FRMD4B: variants seen among roughly 807,000 people sequenced by gnomAD.
The protein encoded by FRMD4B is FERM domain containing 4B.
Under a neutral mutation model 141.5 loss-of-function variants are expected in FRMD4B, and 74 were observed. The observed-to-expected ratio is 0.52, with a 90% CI of 0.43 to 0.63. The LOEUF (loss-of-function observed/expected upper bound fraction) is 0.63, where lower values mean the gene tolerates loss of function less well. Ranked by LOEUF, FRMD4B falls within the 30% of genes least tolerant of loss-of-function variation. The pLI is 0.00. For missense variants in FRMD4B, 1,366 were observed against 1,253.4 expected (o/e 1.09, Z -1.36); for synonymous variants, 506 against 467.9 (o/e 1.08, Z -1.05).
intron 1 of FRMD4B, among the ~76,000 whole-genome samples, chr3:69,444,879 T>C (rs1269418530): frequency 2.0e-5 from 3 of 152,182 alleles, no homozygotes; most frequent in African/African-American, 7.2e-5. Flanking sequence ...TAGATGTAAA[T>C]AGCCCAAGGA....
At chr3:69,208,565 G>C (rs73097705) in intron 11 of FRMD4B, among the ~76,000 whole-genome samples, 5,112 of 150,996 alleles carry the variant, frequency 0.034, 142 homozygotes, top group Non-Finnish European at 0.046. Flanking sequence ...ATGAGAACAA[G>C]CCATACTGTT....
At chr3:69,506,145 C>A (rs148669110) in intron 1 of FRMD4B, among the ~76,000 whole-genome samples, 1 of 152,142 alleles carries the variant, frequency 6.6e-6, no homozygotes, top group East Asian at 1.9e-4. Flanking sequence ...ATTCTTTGTA[C>A]AAAGACCATC....
At chr3:69,528,445 G>T (rs1700964084) in intron 1 of FRMD4B, among the ~76,000 whole-genome samples, 1 of 151,688 alleles carries the variant, frequency 6.6e-6, no homozygotes, top group Non-Finnish European at 1.5e-5. Flanking sequence ...GCTTACTGCA[G>T]CCTTGACTTT....
intron 7 of FRMD4B, among the ~76,000 whole-genome samples, chr3:69,228,214 T>A (rs2093272821): frequency 6.6e-6 from 1 of 152,220 alleles, no homozygotes; most frequent in African/African-American, 2.4e-5. Flanking sequence ...GTGCTGAGAT[T>A]GAGAAACCCT....
At chr3:69,343,577 G>GTTTTTGT (rs775904583) in intron 1 of FRMD4B, among the ~76,000 whole-genome samples, 9 of 126,504 alleles carry the variant, frequency 7.1e-5, no homozygotes, top group Middle Eastern at 4.1e-3. Context: ...ACAGTTTTTT[G>GTTTTTGT]TTTTTTTTTT....
At chr3:69,268,873 C>CA (rs1183373464) in intron 5 of FRMD4B, among the ~76,000 whole-genome samples, 1 of 151,628 alleles carries the variant, frequency 6.6e-6, no homozygotes, top group Non-Finnish European at 1.5e-5. Context: ...TTTTCACCAA[C>CA]ATTCTTCTTG....
chr3:69,277,484 G>A (rs891497811), intron 5 of FRMD4B, among the ~76,000 whole-genome samples: 1 of 135,890 alleles, frequency 7.4e-6, no homozygotes, highest in Non-Finnish European at 1.6e-5. Context: ...TATGGTATAT[G>A]TCTTGAACAG....
At chr3:69,481,589 A>T (rs1246274656) in intron 1 of FRMD4B, among the ~76,000 whole-genome samples, 1 of 152,186 alleles carries the variant, frequency 6.6e-6, no homozygotes, top group Non-Finnish European at 1.5e-5. Flanking sequence ...GGAGGTACTC[A>T]GGGGCTCAAA....
intron 1 of FRMD4B, chr3:69,536,738 T>C: frequency 1.8e-6 from 1 of 567,990 alleles, no homozygotes. Context: ...ACTTCCTCAG[T>C]TTAATTTTTT....
At chr3:69,329,516 A>ATTTTTTTTTTTT (rs10554375) in intron 1 of FRMD4B, among the ~76,000 whole-genome samples, 1 of 55,560 alleles carries the variant, frequency 1.8e-5, no homozygotes, top group Non-Finnish European at 3.5e-5. Flanking sequence ...TGCCCAGCTA[A>ATTTTTTTTTTTT]TTTTTTTTTT....
At chr3:69,336,948 A>T (rs1299904881) in intron 1 of FRMD4B, among the ~76,000 whole-genome samples, 1 of 152,142 alleles carries the variant, frequency 6.6e-6, no homozygotes. Context: ...TGTCTCAAAA[A>T]ACAAAAACAA....
chr3:69,360,626 A>G (rs1176510424), intron 1 of FRMD4B, among the ~76,000 whole-genome samples: 2 of 152,130 alleles, frequency 1.3e-5, no homozygotes, highest in African/African-American at 4.8e-5. Flanking sequence ...TGAAGAAACT[A>G]GGCTGTTTAT....
intron 1 of FRMD4B, among the ~76,000 whole-genome samples, chr3:69,482,623 T>G (rs1184788096): frequency 1.3e-5 from 2 of 152,240 alleles, no homozygotes; most frequent in African/African-American, 4.8e-5. Flanking sequence ...GAGATTTTTC[T>G]AGAAGCTTAC....
chr3:69,510,564 G>A (rs576651093), intron 1 of FRMD4B, among the ~76,000 whole-genome samples: 1 of 152,262 alleles, frequency 6.6e-6, no homozygotes, highest in East Asian at 1.9e-4. Flanking sequence ...CATGCACTCT[G>A]CAAGGAAAGG....
chr3:69,287,809 T>G lies in FRMD4B; in HGVS notation c.444A>C (p.Leu148Phe), dbSNP rs1272237234. 6.3e-7 allele frequency: 1 copy of G among 1,588,584 alleles called. No individual in the cohort carries two copies. Among genetic ancestry groups the G allele is most frequent in the African/African-American group, 1.3e-5 (1 of 74,250 alleles). Residue 148 changes from leucine to phenylalanine, a missense_variant, in exon 5 of 23, where the codon TTA (leucine) becomes TTC (phenylalanine). Transcript: ENST00000398540. ...VRFYIESISF[L>F]KDKTTVELFF... ...ACAGCTCCACGGTGGTTTTATCCTT[T>G]AAAAACGATATGCTCTCAATGTAAA...
chr3:69,256,226 T>C (rs2093492148), intron 5 of FRMD4B, among the ~76,000 whole-genome samples: 1 of 152,206 alleles, frequency 6.6e-6, no homozygotes, highest in Non-Finnish European at 1.5e-5. Context: ...AGTGAGTGCA[T>C]GCAGCTGCCT....
chr3:69,449,868 C>T (rs1705468083), intron 1 of FRMD4B, among the ~76,000 whole-genome samples: 1 of 152,184 alleles, frequency 6.6e-6, no homozygotes, highest in African/African-American at 2.4e-5. Flanking sequence ...TTAAGACAAT[C>T]ACTCAAACTT....
At chr3:69,403,015 A>G (rs961812521) in intron 2 of FRMD4B, among the ~76,000 whole-genome samples, 1 of 152,236 alleles carries the variant, frequency 6.6e-6, no homozygotes. Flanking sequence ...TTATATCTGG[A>G]ACATCCAGGA....
At chr3:69,536,681 C>T in intron 1 of FRMD4B, 2 of 742,054 alleles carry the variant, frequency 2.7e-6, no homozygotes, top group Admixed American at 3.9e-5. Flanking sequence ...TGGTGACACT[C>T]CCAGGAGGGG....
Sources: gnomAD v4.1 joint callset for allele counts (sites outside exome capture counted in the v4.1 genomes callset) on GRCh38, gnomAD v4.1.1 for gene constraint, MANE v1.5 for transcripts, NCBI Gene and HGNC (gene_info 2026-07-23, HGNC 2026-07-21) for gene names.